Variants in CSAD observed in about 807,000 individuals in gnomAD.
CSAD encodes the protein cysteine sulfinic acid decarboxylase.
CSAD carries 47 observed loss-of-function variants against 61.5 expected under a neutral mutation model. The ratio of observed to expected loss-of-function variants is 0.76; its 90% CI spans 0.60 to 0.97. The LOEUF is 0.97. CSAD is among the 50% of genes least tolerant of loss of function. The probability of loss-of-function intolerance (pLI) is 0.00; values close to 1 mark genes in which losing one functional copy is unlikely to be tolerated. For synonymous variants in CSAD, 245 were observed against 252.7 expected (o/e 0.97, Z 0.29); for missense variants, 611 against 643.6 (o/e 0.95, Z 0.55).
At chr12:53,167,956 C>T (rs1279296499) in intron 10 of CSAD, among the ~76,000 whole-genome samples, 6 of 152,144 alleles carry the variant, frequency 3.9e-5, no homozygotes, top group African/African-American at 1.4e-4. Context: ...TGCATAAGAG[C>T]CCCAAAGTGG....
intron 10 of CSAD, 90 bp downstream of exon 10, chr12:53,169,982 G>A: frequency 1.8e-6 from 2 of 1,126,886 alleles, no homozygotes; most frequent in South Asian, 1.3e-5. Context: ...GGAGACGAGA[G>A]GGATGAAGGA....
intron 16 of CSAD, 54 bp from the exon 17 acceptor site, chr12:53,158,738 G>C (rs1446557940): frequency 9.0e-6 from 14 of 1,563,540 alleles, no homozygotes; most frequent in Non-Finnish European, 1.1e-5. Flanking sequence ...CTGACAGGTA[G>C]GCTGGCTTCT....
intron 1 of CSAD, chr12:53,179,682 A>AT: frequency 3.6e-6 from 4 of 1,124,410 alleles, no homozygotes; most frequent in Non-Finnish European, 5.2e-6. Context: ...AAAAAAAAAA[A>AT]GTTGAGAATC....
chr12:53,164,930 T>C (rs1046858802), intron 10 of CSAD, among the ~76,000 whole-genome samples: 3 of 152,114 alleles, frequency 2.0e-5, no homozygotes, highest in Non-Finnish European at 4.4e-5. Context: ...AATAAGCACA[T>C]GAAAAGATGC....
rs565416602 is a variant in CSAD at position 53,177,246 on chromosome 12, TA to T, written c.-50+1855del. ...GCTTTAGGGTGGCCAGGAGCTCTCC[TA>T]AAATCTTAGTTTTAATAGTAAACAT... On this transcript the variant is annotated intron_variant, in intron 2 of 16. Coordinates refer to ENST00000444623, the MANE Select transcript of CSAD (RefSeq NM_001244705.2). Among the ~76,000 whole-genome samples, 176 of 152,342 alleles carry T rather than the reference TA, an allele frequency of 1.2e-3. 1 individual carries two copies. The highest frequency in any genetic ancestry group is 4.1e-3 in the African/African-American group (170 of 41,576).
At chr12:53,173,220 GAAAGGAAA>G (rs1379750326) in intron 4 of CSAD, 117 bp downstream of exon 4, 4 of 901,342 alleles carry the variant, frequency 4.4e-6, no homozygotes, top group Non-Finnish European at 6.5e-6. Context: ...AAGAAAGGAA[GAAAGGAAA>G]AAAGGAAGGA....
At chr12:53,180,110 G>C in intron 1 of CSAD, 1 of 1,344,566 alleles carries the variant, frequency 7.4e-7, no homozygotes, top group South Asian at 1.7e-5. Flanking sequence ...GAGGTGAGCA[G>C]TGTGGCCAAG....
At chr12:53,176,478 G>C (rs1436213957) in intron 2 of CSAD, among the ~76,000 whole-genome samples, 1 of 151,832 alleles carries the variant, frequency 6.6e-6, no homozygotes, top group Non-Finnish European at 1.5e-5. Flanking sequence ...CCAGCACTTT[G>C]GGAGGCCAGG....
intron 2 of CSAD, chr12:53,178,236 G>A (rs1194852356): frequency 1.0e-5 from 4 of 394,392 alleles, no homozygotes; most frequent in Non-Finnish European, 2.0e-5. Context: ...ACTCTAGGAG[G>A]CCGAGGCCAA....
At chr12:53,163,450 A>G (rs1939543929) in intron 10 of CSAD, among the ~76,000 whole-genome samples, 1 of 152,216 alleles carries the variant, frequency 6.6e-6, no homozygotes, top group Non-Finnish European at 1.5e-5. Context: ...ACATTTAATG[A>G]AAAATTGGTA....
chr12:53,174,992 C>T (rs1940996614), intron 2 of CSAD, among the ~76,000 whole-genome samples: 1 of 152,210 alleles, frequency 6.6e-6, no homozygotes, highest in South Asian at 2.1e-4. Flanking sequence ...CGCTGGCTCT[C>T]AGGGAAGGGA....
In CSAD at chr12:53,168,578, T is replaced by C. The variant is rs537249010; in HGVS notation, c.702+1494A>G. On this transcript the variant is annotated intron_variant, in intron 10 of 16. Coordinates refer to ENST00000444623, the MANE Select transcript of CSAD (RefSeq NM_001244705.2). ...TCTATACGGCAATTTGCAATAAATA[T>C]TTAATATATACAGTGGAGATACTTT... Among the ~76,000 whole-genome samples, 19 of 152,256 alleles carry C rather than the reference T, an allele frequency of 1.2e-4. No homozygotes were observed. The East Asian group carries it at 3.5e-3, about 28-fold the overall frequency.
At chr12:53,170,324 G>A in intron 9 of CSAD, 99 bp downstream of exon 9, 1 of 1,131,716 alleles carries the variant, frequency 8.8e-7, no homozygotes, top group Non-Finnish European at 1.3e-6. Flanking sequence ...GGGGAGAGAG[G>A]TCCACCAGCG....
chr12:53,173,815 G>C (rs1940875217), intron 2 of CSAD, 45 bp from the exon 3 acceptor site: 1 of 1,598,458 alleles, frequency 6.3e-7, no homozygotes, highest in Non-Finnish European at 8.5e-7. Context: ...GGGGTGAAAA[G>C]TGTACAATTA....
In CSAD at chr12:53,159,683, G is replaced by A; in HGVS notation, c.1248C>T (p.Phe416=). Reference sequence around the variant, plus strand: ...GCTTCCCTCGCAGGCTGGGGGGTACGAACCAGAAACACACATTGACAAACT... The same window carrying A: ...GCTTCCCTCGCAGGCTGGGGGGTACAAACCAGAAACACACATTGACAAACT... ...EPEFVNVCFW[F]VPPSLRGKQE... The change falls in exon 16 of 17, where the codon TTC becomes TTT. Residue 416 remains phenylalanine, a synonymous_variant. Coordinates refer to ENST00000444623, the MANE Select transcript of CSAD (RefSeq NM_001244705.2). 3.7e-6 allele frequency: 6 copies of A among 1,611,212 alleles called. No homozygotes were observed. Among genetic ancestry groups the A allele is most frequent in the Non-Finnish European group, 5.1e-6 (6 of 1,178,746 alleles).
intron 1 of CSAD, chr12:53,180,236 G>T: frequency 1.0e-6 from 1 of 985,396 alleles, no homozygotes; most frequent in South Asian, 4.7e-5. Flanking sequence ...GCTAATCTGG[G>T]CCTGACGGAA....
intron 10 of CSAD, chr12:53,164,494 T>C (rs1250971289): frequency 1.3e-5 from 2 of 159,978 alleles, no homozygotes; most frequent in Admixed American, 1.2e-4. Context: ...GAAAACCAAA[T>C]ACCACATGTT....
At chr12:53,172,673 G>T in intron 4 of CSAD, 25 bp from the exon 5 acceptor site, 1 of 1,594,042 alleles carries the variant, frequency 6.3e-7, no homozygotes, top group East Asian at 2.2e-5. Flanking sequence ...GGGGATGCTG[G>T]GGGCCTGGGA....
chr12:53,178,352 C>T, intron 2 of CSAD: 1 of 455,162 alleles, frequency 2.2e-6, no homozygotes. Flanking sequence ...ATTATCCAGG[C>T]ACAGTTGCCC....
Sources: gnomAD v4.1 joint callset for allele counts (sites outside exome capture counted in the v4.1 genomes callset) on GRCh38, gnomAD v4.1.1 for gene constraint, MANE v1.5 for transcripts, NCBI Gene and HGNC (gene_info 2026-07-23, HGNC 2026-07-21) for gene names.